Variants in FBXL7 observed in about 807,000 individuals in gnomAD.
FBXL7 encodes the protein F-box/LRR-repeat protein 7.
FBXL7 carries 12 observed loss-of-function variants against 38.3 expected under a neutral mutation model. The ratio of observed to expected loss-of-function variants is 0.31; its 90% CI spans 0.20 to 0.51. FBXL7 has a LOEUF of 0.51. FBXL7 is among the 20% of genes least tolerant of loss of function. The pLI is 0.98. For missense variants in FBXL7, 567 were observed against 676.4 expected, an observed-to-expected ratio of 0.84 and a Z score of 1.79; for synonymous variants, 297 against 300.9, an observed-to-expected ratio of 0.99 and a Z score of 0.13.
At chr5:15,682,612 G>A (rs1351250271) in intron 2 of FBXL7, among the ~76,000 whole-genome samples, 2 of 151,132 alleles carry the variant, frequency 1.3e-5, no homozygotes, top group African/African-American at 4.9e-5. Context: ...TATTTTTATA[G>A]CACATTGTTC....
In FBXL7 at chr5:15,678,693, A is replaced by G. The variant is rs112314603; in HGVS notation, c.127+62621A>G. ...CCCCATACTGTTCTCATGGTAGTGA[A>G]TAAGTCTCATGAGATCTGATGTTTT... On this transcript the variant is annotated intron_variant, in intron 2 of 3. Transcript: ENST00000504595. Among the ~76,000 whole-genome samples the G allele has an allele frequency of 4.4e-3, 672 of 152,290 alleles. 6 individuals are homozygous for G. Among genetic ancestry groups the G allele is most frequent in the African/African-American group, 0.015 (627 of 41,560 alleles).
chr5:15,519,450 A>G (rs924658880), intron 1 of FBXL7, among the ~76,000 whole-genome samples: 1 of 147,098 alleles, frequency 6.8e-6, no homozygotes. Flanking sequence ...AAAACAAAAA[A>G]AAAAAACAAA....
At chr5:15,903,478 A>G (rs895848428) in intron 2 of FBXL7, among the ~76,000 whole-genome samples, 6 of 152,228 alleles carry the variant, frequency 3.9e-5, no homozygotes. Context: ...TCCTTCATAC[A>G]AAAACAGAGA....
At chr5:15,540,218 C>G (rs1435056558) in intron 1 of FBXL7, among the ~76,000 whole-genome samples, 2 of 152,162 alleles carry the variant, frequency 1.3e-5, no homozygotes, top group Admixed American at 6.5e-5. Flanking sequence ...GTGTATATCA[C>G]TGATCAGTTA....
At chr5:15,578,405 A>G (rs561568812) in intron 1 of FBXL7, among the ~76,000 whole-genome samples, 2 of 152,344 alleles carry the variant, frequency 1.3e-5, no homozygotes, top group South Asian at 4.1e-4. Flanking sequence ...TGCTTGTATC[A>G]TGGCACCAAA....
intron 1 of FBXL7, among the ~76,000 whole-genome samples, chr5:15,514,071 A>G (rs758744148): frequency 6.6e-6 from 1 of 152,206 alleles, no homozygotes; most frequent in Non-Finnish European, 1.5e-5. Context: ...TTGTGCTTCA[A>G]ATAGTCATTT....
chr5:15,617,713 A>C (rs912554200), intron 2 of FBXL7, among the ~76,000 whole-genome samples: 2 of 152,194 alleles, frequency 1.3e-5, no homozygotes, highest in African/African-American at 4.8e-5. Context: ...TGCTGGGATT[A>C]CAGGCATGAG....
intron 2 of FBXL7, among the ~76,000 whole-genome samples, chr5:15,787,834 T>C (rs1737170266): frequency 6.6e-6 from 1 of 152,210 alleles, no homozygotes; most frequent in Non-Finnish European, 1.5e-5. Context: ...TATGTGACTG[T>C]CTTCATTAAA....
At chr5:15,742,691 T>C (rs1735923212) in intron 2 of FBXL7, among the ~76,000 whole-genome samples, 1 of 152,216 alleles carries the variant, frequency 6.6e-6, no homozygotes, top group Non-Finnish European at 1.5e-5. Context: ...TTCCTTTCAA[T>C]CTTATATATG....
In FBXL7 at chr5:15,937,260, A is replaced by G. The variant is rs1742224087; in HGVS notation, c.*74A>G. 3 of 1,433,992 alleles carry G rather than the reference A, an allele frequency of 2.1e-6. No homozygotes were observed. Among genetic ancestry groups the G allele is most frequent in the Admixed American group, 2.5e-5 (1 of 39,810 alleles). The allele number at this position is 1,433,992 out of a possible 1,614,324, so 88.8% of individuals were successfully genotyped here. ...AAATTTTTTTAAAAGCAGCGTATGT[A>G]AGCACCGACACCCACTCAAAACAGC... On this transcript the variant is annotated 3_prime_UTR_variant, in exon 4 of 4. Coordinates refer to ENST00000504595, the MANE Select transcript of FBXL7 (RefSeq NM_012304.5).
intron 1 of FBXL7, among the ~76,000 whole-genome samples, chr5:15,573,280 A>G (rs1738846056): frequency 6.6e-6 from 1 of 152,148 alleles, no homozygotes; most frequent in Admixed American, 6.5e-5. Context: ...TTTGAGTCTC[A>G]GGAGAATGTA....
intron 2 of FBXL7, among the ~76,000 whole-genome samples, chr5:15,779,249 G>A (rs570157086): frequency 9.2e-5 from 14 of 151,982 alleles, no homozygotes; most frequent in African/African-American, 3.1e-4. Context: ...AAAATAGTTA[G>A]ATAGAAGGAA....
rs530932316 is a variant in FBXL7 at position 15,920,764 on chromosome 5, G to A, written c.128-7126G>A. Among the ~76,000 whole-genome samples the A allele has an allele frequency of 4.5e-4, 69 of 152,136 alleles. No individual in the cohort carries two copies. In the Middle Eastern group the frequency reaches 0.01, roughly 22 times the overall value. On this transcript the variant is annotated intron_variant, in intron 2 of 3. Transcript: ENST00000504595. ...TCAAACTCCTGACCTCTGGTGATCC[G>A]CCTGCCTCAGCCTCCCAAAGTGCTG...
At chr5:15,897,491 GTT>G (rs1394773219) in intron 2 of FBXL7, among the ~76,000 whole-genome samples, 1 of 152,200 alleles carries the variant, frequency 6.6e-6, no homozygotes, top group African/African-American at 2.4e-5. Flanking sequence ...TGCTGTAATA[GTT>G]TAAGTGAGGT....
chr5:15,788,308 A>C (rs924856540), intron 2 of FBXL7, among the ~76,000 whole-genome samples: 17 of 152,218 alleles, frequency 1.1e-4, no homozygotes, highest in African/African-American at 3.6e-4. Context: ...TAGCCGGTTT[A>C]TGTTTTAACC....
chr5:15,898,121 A>C (rs1741148328), intron 2 of FBXL7, among the ~76,000 whole-genome samples: 1 of 152,120 alleles, frequency 6.6e-6, no homozygotes, highest in Non-Finnish European at 1.5e-5. Context: ...TGTTTAGTAT[A>C]GCTATTGCAT....
intron 2 of FBXL7, among the ~76,000 whole-genome samples, chr5:15,833,719 T>G (rs1478344152): frequency 6.6e-6 from 1 of 152,162 alleles, no homozygotes; most frequent in East Asian, 1.9e-4. Flanking sequence ...CTAAGAGAGG[T>G]TGTAACACTG....
At chr5:15,776,256 A>T (rs938721884) in intron 2 of FBXL7, among the ~76,000 whole-genome samples, 1 of 152,148 alleles carries the variant, frequency 6.6e-6, no homozygotes, top group Non-Finnish European at 1.5e-5. Context: ...TAGCAATCAT[A>T]TAGATGAGTA....
intron 2 of FBXL7, among the ~76,000 whole-genome samples, chr5:15,912,957 G>T (rs1741478044): frequency 6.6e-6 from 1 of 152,174 alleles, no homozygotes; most frequent in Non-Finnish European, 1.5e-5. Context: ...CCAGCGTGCT[G>T]CAGAGAGACC....
Sources: gnomAD v4.1 joint callset for allele counts (sites outside exome capture counted in the v4.1 genomes callset) on GRCh38, gnomAD v4.1.1 for gene constraint, MANE v1.5 for transcripts, NCBI Gene and HGNC (gene_info 2026-07-23, HGNC 2026-07-21) for gene names.